RNF13: variants seen among roughly 807,000 people sequenced by gnomAD.
RNF13 encodes ring finger protein 13, also known as E3 ubiquitin-protein ligase RNF13.
A neutral mutation model predicts 37.7 loss-of-function variants in RNF13; 19 were observed. The observed-to-expected ratio is 0.50, with a 90% CI of 0.35 to 0.74. The LOEUF (loss-of-function observed/expected upper bound fraction) is 0.74, where lower values mean the gene tolerates loss of function less well. Among genes scored for constraint, RNF13 ranks in the 30% least tolerant of loss-of-function variants. The pLI, the probability that RNF13 is intolerant of heterozygous loss-of-function variation, is 0.01. For missense variants in RNF13, 375 were observed against 453.0 expected, an observed-to-expected ratio of 0.83 and a Z score of 1.56; for synonymous variants, 144 against 157.8, an observed-to-expected ratio of 0.91 and a Z score of 0.65.
At chr3:149,818,144 A>C (rs1719652561) in intron 1 of RNF13, among the ~76,000 whole-genome samples, 1 of 152,204 alleles carries the variant, frequency 6.6e-6, no homozygotes, top group Non-Finnish European at 1.5e-5. Flanking sequence ...CATTACTTGG[A>C]TCCTACTACT....
At chr3:149,960,180 T>C in intron 9 of RNF13, 44 bp downstream of exon 9, 1 of 1,272,268 alleles carries the variant, frequency 7.9e-7, no homozygotes, top group Non-Finnish European at 1.1e-6. Context: ...TATAGTAATT[T>C]ATATTTAGGT....
intron 7 of RNF13, among the ~76,000 whole-genome samples, chr3:149,920,393 G>T (rs572941257): frequency 6.6e-6 from 1 of 151,456 alleles, no homozygotes; most frequent in Non-Finnish European, 1.5e-5. Context: ...ACGGCAATGC[G>T]CCAGGCTAAT....
At chr3:149,953,135 T>A (rs552605221) in intron 8 of RNF13, among the ~76,000 whole-genome samples, 1 of 152,132 alleles carries the variant, frequency 6.6e-6, no homozygotes, top group African/African-American at 2.4e-5. Context: ...TTAAGCTAGA[T>A]TACCCAAAGT....
At chr3:149,832,334 A>G (rs537869860) in intron 1 of RNF13, among the ~76,000 whole-genome samples, 96 of 152,314 alleles carry the variant, frequency 6.3e-4, no homozygotes, top group Middle Eastern at 3.4e-3. Context: ...TTGGTATCAC[A>G]CTGTTGACTC....
intron 1 of RNF13, among the ~76,000 whole-genome samples, chr3:149,830,599 A>G (rs2108335810): frequency 7.9e-6 from 1 of 126,966 alleles, no homozygotes; most frequent in East Asian, 2.3e-4. Flanking sequence ...ACGGTTTGGA[A>G]TTGGAACTTA....
At chr3:149,913,822 A>C (rs1298222990) in intron 7 of RNF13, among the ~76,000 whole-genome samples, 1 of 152,198 alleles carries the variant, frequency 6.6e-6, no homozygotes, top group African/African-American at 2.4e-5. Context: ...TGATGATGCT[A>C]ACCTTCATCC....
At chr3:149,926,297 C>T (rs1576548591) in intron 8 of RNF13, among the ~76,000 whole-genome samples, 2 of 152,164 alleles carry the variant, frequency 1.3e-5, no homozygotes, top group East Asian at 1.9e-4. Flanking sequence ...CTGCAAGCTC[C>T]GCCTCCCGAG....
chr3:149,834,967 G>A (rs1292881938), intron 1 of RNF13, among the ~76,000 whole-genome samples: 1 of 152,184 alleles, frequency 6.6e-6, no homozygotes, highest in East Asian at 1.9e-4. Flanking sequence ...CTGAATATCT[G>A]TATGTAAAAG....
At chr3:149,845,207 G>A (rs895095694) in intron 1 of RNF13, among the ~76,000 whole-genome samples, 19 of 152,046 alleles carry the variant, frequency 1.2e-4, no homozygotes, top group African/African-American at 4.6e-4. Flanking sequence ...CATCAAAACG[G>A]ATATTACATG....
intron 7 of RNF13, among the ~76,000 whole-genome samples, chr3:149,913,164 T>G (rs1385872614): frequency 6.6e-6 from 1 of 152,164 alleles, no homozygotes; most frequent in Non-Finnish European, 1.5e-5. Flanking sequence ...TTTTTAAATT[T>G]ACTTATTTAG....
At chr3:149,887,428 G>A (rs1714173199) in intron 4 of RNF13, among the ~76,000 whole-genome samples, 1 of 152,176 alleles carries the variant, frequency 6.6e-6, no homozygotes, top group South Asian at 2.1e-4. Context: ...AGCCTCCTGA[G>A]TAGCTGGGAC....
intron 4 of RNF13, among the ~76,000 whole-genome samples, chr3:149,882,042 T>C (rs1214255223): frequency 6.6e-6 from 1 of 151,920 alleles, no homozygotes; most frequent in Non-Finnish European, 1.5e-5. Flanking sequence ...GATATACAGA[T>C]GGAGGAAGTC....
chr3:149,945,231 A>C (rs564992482), intron 8 of RNF13, among the ~76,000 whole-genome samples: 15 of 152,290 alleles, frequency 9.8e-5, no homozygotes, highest in Admixed American at 9.8e-4. Flanking sequence ...TATAGTTTGA[A>C]GTCAGGTAGT....
chr3:149,906,973 G>A (rs1716481599), intron 6 of RNF13, among the ~76,000 whole-genome samples: 2 of 151,974 alleles, frequency 1.3e-5, no homozygotes, highest in Admixed American at 6.6e-5. Context: ...ATTCAGCTTT[G>A]TTTAGTTTTT....
At chr3:149,815,035 A>G (rs943585270) in intron 1 of RNF13, among the ~76,000 whole-genome samples, 1 of 152,140 alleles carries the variant, frequency 6.6e-6, no homozygotes, top group African/African-American at 2.4e-5. Flanking sequence ...TTTGAGAGGT[A>G]TAATACTGAA....
chr3:149,896,645 A>G (rs1352372569), intron 5 of RNF13, among the ~76,000 whole-genome samples: 1 of 151,700 alleles, frequency 6.6e-6, no homozygotes, highest in Non-Finnish European at 1.5e-5. Context: ...ACGCCTGGCT[A>G]ATTTTGTATT....
chr3:149,958,017 C>T lies in RNF13; in HGVS notation c.701-2039C>T, dbSNP rs557453821. ...CCTGTCATCTTCAAACTAAGTGCTACGGCAATAAAATATGGGATATTAATA... is the reference window on the plus strand; with the variant it reads ...CCTGTCATCTTCAAACTAAGTGCTATGGCAATAAAATATGGGATATTAATA... On this transcript the variant is annotated intron_variant, in intron 8 of 9. Transcript: ENST00000392894. 9.2e-5 allele frequency among the ~76,000 whole-genome samples: 14 copies of T among 152,148 alleles called. No homozygotes were observed. The South Asian group carries it at 1.5e-3, about 16-fold the overall frequency.
intron 1 of RNF13, among the ~76,000 whole-genome samples, chr3:149,814,748 C>T (rs765972453): frequency 2.6e-5 from 4 of 152,156 alleles, no homozygotes; most frequent in Non-Finnish European, 4.4e-5. Flanking sequence ...ATTTGGGAGT[C>T]AAGCTGGGTT....
At chr3:149,907,492 A>G (rs1716546686) in intron 6 of RNF13, among the ~76,000 whole-genome samples, 1 of 152,200 alleles carries the variant, frequency 6.6e-6, no homozygotes, top group African/African-American at 2.4e-5. Context: ...ACAATAGTCC[A>G]TTGTTTAGAT....
Sources: gnomAD v4.1 joint callset for allele counts (sites outside exome capture counted in the v4.1 genomes callset) on GRCh38, gnomAD v4.1.1 for gene constraint, MANE v1.5 for transcripts, NCBI Gene and HGNC (gene_info 2026-07-23, HGNC 2026-07-21) for gene names.